Variants in CPD observed in about 807,000 individuals in gnomAD.
CPD encodes metallocarboxypeptidase D.
CPD carries 69 observed loss-of-function variants against 138.3 expected under a neutral mutation model. That is an observed-to-expected ratio of 0.50 (90% CI 0.41 to 0.61). The LOEUF is 0.61. Ranked by LOEUF, CPD falls within the 20% of genes least tolerant of loss-of-function variation. The pLI is 0.00. For missense variants in CPD, 1,432 were observed against 1,733.3 expected, an observed-to-expected ratio of 0.83 and a Z score of 3.09; for synonymous variants, 651 against 642.1, an observed-to-expected ratio of 1.01 and a Z score of -0.21.
In CPD at chr17:30,439,468, T is replaced by A. The variant is rs553788990; in HGVS notation, c.2230+391T>A. 1.5e-4 allele frequency among the ~76,000 whole-genome samples: 22 copies of A among 143,008 alleles called. No homozygotes were observed. In the South Asian group the frequency reaches 4.9e-3, roughly 32 times the overall value. The allele number at this position is 143,008 out of a possible 152,430, so 93.8% of individuals were successfully genotyped here. A position where few individuals can be genotyped will look rare whatever the true frequency, so the allele number is the denominator to read the frequency against. On this transcript the variant is annotated intron_variant, in intron 9 of 20. Coordinates refer to ENST00000225719, the MANE Select transcript of CPD (RefSeq NM_001304.5). ...ACATGTGCACATTGTGCAGGTTAGT[T>A]ACATATGTATACATGTGCCATGCTG...
chr17:30,430,014 T>A (rs917259407), intron 7 of CPD, among the ~76,000 whole-genome samples: 1 of 152,204 alleles, frequency 6.6e-6, no homozygotes. Flanking sequence ...ATAATTAACA[T>A]GCTAAAGAGT....
chr17:30,442,542 C>A, intron 10 of CPD, 92 bp downstream of exon 10: 1 of 1,203,200 alleles, frequency 8.3e-7, no homozygotes, highest in Non-Finnish European at 1.2e-6. Flanking sequence ...TTTTGGAATA[C>A]ACTCTTTAAA....
chr17:30,394,428 A>G (rs1317187084), intron 2 of CPD, among the ~76,000 whole-genome samples: 1 of 152,014 alleles, frequency 6.6e-6, no homozygotes, highest in African/African-American at 2.4e-5. Context: ...TCACTATCCT[A>G]CCTTCGAGAG....
intron 1 of CPD, among the ~76,000 whole-genome samples, chr17:30,383,763 T>C (rs747523948): frequency 2.0e-5 from 3 of 151,916 alleles, no homozygotes; most frequent in Non-Finnish European, 2.9e-5. Context: ...AAAAATCTTA[T>C]ATATCAACCC....
At chr17:30,456,903 A>T in intron 17 of CPD, 1 of 191,672 alleles carries the variant, frequency 5.2e-6, no homozygotes, top group South Asian at 9.9e-5. Context: ...CATTGAGTAC[A>T]AGAATAGGTG....
At chr17:30,423,249 A>G (rs1912315176) in intron 5 of CPD, among the ~76,000 whole-genome samples, 1 of 152,220 alleles carries the variant, frequency 6.6e-6, no homozygotes, top group Non-Finnish European at 1.5e-5. Context: ...ATAAGTGCAT[A>G]GATTAGATTT....
At chr17:30,380,326 A>T in intron 1 of CPD, 1 of 299,990 alleles carries the variant, frequency 3.3e-6, no homozygotes, top group Non-Finnish European at 5.3e-6. Context: ...GGCAGATGAT[A>T]TTCCCAGGAT....
chr17:30,425,899 G>A (rs1378350044), intron 6 of CPD, among the ~76,000 whole-genome samples: 1 of 152,164 alleles, frequency 6.6e-6, no homozygotes, highest in African/African-American at 2.4e-5. Flanking sequence ...TGAAAAAGAT[G>A]TGTTTTAACT....
intron 17 of CPD, among the ~76,000 whole-genome samples, chr17:30,458,797 G>A (rs1310070638): frequency 6.6e-6 from 1 of 151,920 alleles, no homozygotes; most frequent in African/African-American, 2.4e-5. Flanking sequence ...GCCTGGGATG[G>A]GAAGATTGCG....
intron 12 of CPD, among the ~76,000 whole-genome samples, chr17:30,446,979 A>G (rs1285983551): frequency 1.3e-5 from 2 of 152,178 alleles, no homozygotes; most frequent in Non-Finnish European, 2.9e-5. Context: ...TCTTCTTTTG[A>G]GAAGTGTCTG....
chr17:30,417,829 T>G (rs1390542041), intron 2 of CPD, among the ~76,000 whole-genome samples: 1 of 152,220 alleles, frequency 6.6e-6, no homozygotes, highest in African/African-American at 2.4e-5. Flanking sequence ...TGCCATTTTT[T>G]TTTATGCTTT....
intron 2 of CPD, among the ~76,000 whole-genome samples, chr17:30,412,666 G>A (rs1261332911): frequency 1.3e-5 from 2 of 152,176 alleles, no homozygotes; most frequent in African/African-American, 2.4e-5. Flanking sequence ...AGGCTTCGTG[G>A]GTGTGGGACC....
At chr17:30,432,292 T>A (rs1007448677) in intron 8 of CPD, among the ~76,000 whole-genome samples, 3 of 152,190 alleles carry the variant, frequency 2.0e-5, no homozygotes, top group Non-Finnish European at 4.4e-5. Flanking sequence ...GTGGCTGCTT[T>A]CTCCTTCAAC....
At chr17:30,444,080 G>A (rs1801061) in intron 11 of CPD, 109 bp downstream of exon 11, 1 of 1,076,538 alleles carries the variant, frequency 9.3e-7, no homozygotes, top group South Asian at 1.7e-5. Flanking sequence ...ACTTTGAATG[G>A]ATTGCTGCGA....
At chr17:30,415,793 A>G (rs2143396970) in intron 2 of CPD, among the ~76,000 whole-genome samples, 1 of 152,334 alleles carries the variant, frequency 6.6e-6, no homozygotes, top group Admixed American at 6.5e-5. Context: ...AAAAAATGGA[A>G]TCTTATTCAG....
At chr17:30,386,428 C>CATATATATATATATATATATATAT (rs1206719489) in intron 2 of CPD, among the ~76,000 whole-genome samples, 1 of 151,988 alleles carries the variant, frequency 6.6e-6, no homozygotes, top group African/African-American at 2.4e-5. Context: ...TGTGGTAAAA[C>CATATATATATATATATATATATAT]ATACATATAT....
chr17:30,423,514 G>A lies in CPD; in HGVS notation c.1666G>A (p.Glu556Lys). ...AATTATTTTGTTTTCAGGTGAACCA[G>A]AATTTAAGTACATTGGAAATATGCA... ...NPGVHEPGEP[E>K]FKYIGNMHGN... Residue 556 changes from glutamate to lysine, a missense_variant, in exon 6 of 21, where the codon GAA becomes AAA. Physicochemically the swap from Glu to Lys is moderately conservative, Grantham distance 56. Transcript: ENST00000225719. 6.4e-7 allele frequency: 1 copy of A among 1,557,926 alleles called. No homozygotes were observed. Among genetic ancestry groups the A allele is most frequent in the Admixed American group, 2.0e-5 (1 of 50,634 alleles).
At chr17:30,447,436 G>T (rs1372683366) in intron 12 of CPD, 1 of 152,188 alleles carries the variant, frequency 6.6e-6, no homozygotes, top group Non-Finnish European at 1.5e-5. Flanking sequence ...TAGATTAGAA[G>T]TAGATAGCCT....
At chr17:30,404,241 A>G (rs1424094285) in intron 2 of CPD, among the ~76,000 whole-genome samples, 1 of 152,118 alleles carries the variant, frequency 6.6e-6, no homozygotes, top group South Asian at 2.1e-4. Context: ...TGACTTTTAA[A>G]AAGGCTTTAA....
Sources: allele counts gnomAD v4.1 joint callset (sites outside exome capture counted in the v4.1 genomes callset), GRCh38; gene constraint gnomAD v4.1.1; transcripts MANE v1.5; gene names NCBI Gene and HGNC (gene_info 2026-07-23, HGNC 2026-07-21).